EHBP1: variants seen among roughly 807,000 people sequenced by gnomAD.
EHBP1 encodes EH domain binding protein 1.
A neutral mutation model predicts 144.0 loss-of-function variants in EHBP1; 55 were observed. That is an observed-to-expected ratio of 0.38 (90% CI 0.31 to 0.48). The LOEUF is 0.48. Among genes scored for constraint, EHBP1 ranks in the 20% least tolerant of loss-of-function variants. The pLI is 0.98. For synonymous variants in EHBP1, 469 were observed against 472.7 expected (o/e 0.99, Z 0.10); for missense variants, 1,200 against 1,364.2 (o/e 0.88, Z 1.90).
intron 8 of EHBP1, among the ~76,000 whole-genome samples, chr2:62,859,863 T>A (rs944909241): frequency 1.3e-5 from 2 of 152,206 alleles, no homozygotes; most frequent in African/African-American, 4.8e-5. Flanking sequence ...GGCTAAGGGC[T>A]GTTACAGAAG....
chr2:62,985,051 T>G (rs1238387248), intron 15 of EHBP1, among the ~76,000 whole-genome samples: 1 of 152,146 alleles, frequency 6.6e-6, no homozygotes, highest in Non-Finnish European at 1.5e-5. Flanking sequence ...CAGTATCCCT[T>G]CTCCCACAGC....
chr2:62,831,628 C>T (rs1422984097), intron 7 of EHBP1, among the ~76,000 whole-genome samples: 1 of 152,170 alleles, frequency 6.6e-6, no homozygotes, highest in Non-Finnish European at 1.5e-5. Context: ...GGTATTCCTT[C>T]AAGCTGAGTT....
intron 10 of EHBP1, among the ~76,000 whole-genome samples, chr2:62,890,897 T>C (rs2052404575): frequency 6.6e-6 from 1 of 152,178 alleles, no homozygotes; most frequent in Admixed American, 6.6e-5. Flanking sequence ...ATAAGAAGCC[T>C]GGGCTGGGCA....
chr2:62,919,702 G>C (rs182931166), intron 10 of EHBP1, among the ~76,000 whole-genome samples: 8 of 152,104 alleles, frequency 5.3e-5, no homozygotes, highest in Admixed American at 1.3e-4. Context: ...TCTAATGTCA[G>C]ATCTACTACA....
intron 4 of EHBP1, among the ~76,000 whole-genome samples, chr2:62,765,725 T>G (rs750922966): frequency 6.6e-6 from 1 of 152,182 alleles, no homozygotes; most frequent in Non-Finnish European, 1.5e-5. Flanking sequence ...ATATTTTATA[T>G]TATTATTTTG....
At chr2:62,749,253 A>G (rs1196135297) in intron 3 of EHBP1, among the ~76,000 whole-genome samples, 1 of 151,442 alleles carries the variant, frequency 6.6e-6, no homozygotes, top group East Asian at 2.0e-4. Context: ...TTTTGTCCTT[A>G]AGATAGTTTG....
rs1025712513 is a variant in EHBP1 at position 62,916,968 on chromosome 2, T to C, written c.1186-25750T>C. 7.2e-5 allele frequency among the ~76,000 whole-genome samples: 11 copies of C among 151,800 alleles called. No homozygotes were observed. The South Asian group carries it at 2.3e-3, about 31-fold the overall frequency. On this transcript the variant is annotated intron_variant, in intron 10 of 22. Coordinates refer to ENST00000431489, the MANE Select transcript of EHBP1 (RefSeq NM_001142616.3). The stretch of plus-strand genomic sequence containing the variant: ...TATGTATAAATAAAAGACATACACA[T>C]ATATATATATCATGTGTTACTTAAT...
chr2:62,870,530 C>A (rs1271786061), intron 9 of EHBP1, among the ~76,000 whole-genome samples: 1 of 151,700 alleles, frequency 6.6e-6, no homozygotes, highest in Non-Finnish European at 1.5e-5. Context: ...GCCTGACCAA[C>A]ATGGTGAGAC....
At chr2:62,830,713 C>G (rs2046768626) in intron 6 of EHBP1, among the ~76,000 whole-genome samples, 1 of 152,058 alleles carries the variant, frequency 6.6e-6, no homozygotes, top group African/African-American at 2.4e-5. Flanking sequence ...GAACTCTTTG[C>G]CGAAGCCAAT....
chr2:62,971,734 C>A (rs1183282803), intron 14 of EHBP1, among the ~76,000 whole-genome samples: 1 of 152,168 alleles, frequency 6.6e-6, no homozygotes, highest in East Asian at 1.9e-4. Flanking sequence ...AACACATATA[C>A]ATGTGTGAGC....
At chr2:63,002,928 GATC>G (rs2059905002) in intron 19 of EHBP1, among the ~76,000 whole-genome samples, 2 of 151,924 alleles carry the variant, frequency 1.3e-5, no homozygotes, top group South Asian at 4.1e-4. Context: ...AAAATGTAGG[GATC>G]ATGTAACTAT....
chr2:62,945,500 A>G (rs1308158684), intron 12 of EHBP1, among the ~76,000 whole-genome samples: 2 of 152,170 alleles, frequency 1.3e-5, no homozygotes, highest in Non-Finnish European at 2.9e-5. Context: ...TTTCACTTGT[A>G]TTGCTCTCTA....
At chr2:62,860,066 C>A (rs1163265753) in intron 8 of EHBP1, among the ~76,000 whole-genome samples, 1 of 152,164 alleles carries the variant, frequency 6.6e-6, no homozygotes, top group Non-Finnish European at 1.5e-5. Flanking sequence ...TTTCATAATT[C>A]TTTCTCTGTC....
chr2:62,980,506 C>A (rs551126386), intron 15 of EHBP1, among the ~76,000 whole-genome samples: 1 of 152,110 alleles, frequency 6.6e-6, no homozygotes, highest in Non-Finnish European at 1.5e-5. Context: ...TGATAAGTTT[C>A]CTCAAAGTAA....
chr2:62,761,739 T>C (rs2040785055), intron 3 of EHBP1, among the ~76,000 whole-genome samples: 1 of 152,150 alleles, frequency 6.6e-6, no homozygotes, highest in African/African-American at 2.4e-5. Flanking sequence ...CATTAGCAAT[T>C]CTCCCTTCTC....
intron 10 of EHBP1, among the ~76,000 whole-genome samples, chr2:62,907,605 C>G (rs1409959315): frequency 6.6e-6 from 1 of 152,160 alleles, no homozygotes; most frequent in African/African-American, 2.4e-5. Context: ...TGGACTCTTA[C>G]AAGGACACTA....
rs538954587 is a variant in EHBP1 at position 62,751,661 on chromosome 2, A to C, written c.162+4209A>C. Among the ~76,000 whole-genome samples the C allele has an allele frequency of 1.8e-4, 28 of 152,078 alleles. 1 individual carries two copies. The South Asian group carries it at 3.5e-3, about 19-fold the overall frequency. ...CTATTAATTATTGCCTCAATTTCAG[A>C]GCCTGTTATTGGTCTATTCAGAGAT... On this transcript the variant is annotated intron_variant, in intron 3 of 22. Transcript: ENST00000431489.
intron 1 of EHBP1, among the ~76,000 whole-genome samples, chr2:62,681,958 G>A (rs1056159711): frequency 6.6e-6 from 1 of 152,224 alleles, no homozygotes; most frequent in Non-Finnish European, 1.5e-5. Context: ...ACAAAATGAA[G>A]TTATTGGATT....
chr2:62,754,797 A>G (rs539274341), intron 3 of EHBP1, among the ~76,000 whole-genome samples: 99 of 152,300 alleles, frequency 6.5e-4, no homozygotes, highest in African/African-American at 2.3e-3. Context: ...CAGGAGCGGG[A>G]TATAATCTCC....
Sources: allele counts gnomAD v4.1 joint callset (sites outside exome capture counted in the v4.1 genomes callset), GRCh38; gene constraint gnomAD v4.1.1; transcripts MANE v1.5; gene names NCBI Gene and HGNC (gene_info 2026-07-23, HGNC 2026-07-21).